UBE2H: variants seen among roughly 807,000 people sequenced by gnomAD.
UBE2H encodes ubiquitin conjugating enzyme E2 H.
Under a neutral mutation model 29.0 loss-of-function variants are expected in UBE2H, and 3 were observed. That is an observed-to-expected ratio of 0.10 (90% CI 0.05 to 0.27). The LOEUF is 0.27. Among genes scored for constraint, UBE2H ranks in the 10% least tolerant of loss-of-function variants. The pLI, the probability that UBE2H is intolerant of heterozygous loss-of-function variation, is 1.00. For synonymous variants in UBE2H, 69 were observed against 82.9 expected, an observed-to-expected ratio of 0.83 and a Z score of 0.91; for missense variants, 68 against 228.2, an observed-to-expected ratio of 0.30 and a Z score of 4.52.
intron 1 of UBE2H, among the ~76,000 whole-genome samples, chr7:129,946,164 T>C (rs1158816934): frequency 6.6e-6 from 1 of 151,890 alleles, no homozygotes; most frequent in Non-Finnish European, 1.5e-5. Flanking sequence ...ACCATTCTCC[T>C]GCCTCAGCCT....
intron 1 of UBE2H, among the ~76,000 whole-genome samples, chr7:129,886,758 G>GATTTTTGGTT (rs1554435088): frequency 2.5e-5 from 1 of 40,302 alleles, no homozygotes; most frequent in African/African-American, 9.6e-5. Context: ...CTGGTTTTTT[G>GATTTTTGGTT]TTTTTTGGTA....
chr7:129,944,410 T>A (rs1807713050), intron 1 of UBE2H, among the ~76,000 whole-genome samples: 1 of 151,992 alleles, frequency 6.6e-6, no homozygotes. Flanking sequence ...TGTCACAATT[T>A]TATTTGGGTG....
chr7:129,845,374 C>A (rs573860557), intron 5 of UBE2H, among the ~76,000 whole-genome samples: 1 of 152,288 alleles, frequency 6.6e-6, no homozygotes, highest in East Asian at 1.9e-4. Flanking sequence ...GCCCATGATC[C>A]CCTATCCCCA....
intron 6 of UBE2H, among the ~76,000 whole-genome samples, chr7:129,836,355 TGA>T (rs978279726): frequency 6.6e-6 from 1 of 152,102 alleles, no homozygotes; most frequent in East Asian, 1.9e-4. Flanking sequence ...ACAAGGCCTT[TGA>T]GAGAGAGAAA....
chr7:129,845,349 A>C (rs1805494571), intron 5 of UBE2H, among the ~76,000 whole-genome samples: 1 of 152,208 alleles, frequency 6.6e-6, no homozygotes, highest in Non-Finnish European at 1.5e-5. Flanking sequence ...CAAAATGCAC[A>C]GGAAATACTA....
intron 1 of UBE2H, among the ~76,000 whole-genome samples, chr7:129,926,359 A>T (rs112358514): frequency 0.012 from 1,866 of 151,952 alleles, 32 homozygotes; most frequent in African/African-American, 0.04. Context: ...AAAATACAAA[A>T]TTAGCCCAGT....
intron 3 of UBE2H, among the ~76,000 whole-genome samples, chr7:129,874,169 CTTAATT>C (rs1806099099): frequency 6.6e-5 from 10 of 151,860 alleles, no homozygotes; most frequent in Admixed American, 6.6e-4. Context: ...AAAATGACAT[CTTAATT>C]TTATCTGGAA....
At chr7:129,840,605 A>AC (rs56046629) in intron 5 of UBE2H, among the ~76,000 whole-genome samples, 9,494 of 151,916 alleles carry the variant, frequency 0.062, 366 homozygotes, top group Non-Finnish European at 0.091. Flanking sequence ...CAACCCACAC[A>AC]CCCCATAGCT....
chr7:129,929,975 A>G (rs574994909), intron 1 of UBE2H, among the ~76,000 whole-genome samples: 2 of 152,124 alleles, frequency 1.3e-5, no homozygotes, highest in Non-Finnish European at 2.9e-5. Flanking sequence ...GCACTGCTGC[A>G]CTCCAGCCTG....
chr7:129,834,790 GATATATA>G lies in UBE2H; in HGVS notation c.*140_*146del, dbSNP rs1463082911. 2 of 904,650 alleles carry G rather than the reference GATATATA, an allele frequency of 2.2e-6. No individual in the cohort carries two copies. The highest frequency in any genetic ancestry group is 3.2e-6 in the Non-Finnish European group (2 of 631,266). The allele number at this position is 904,650 out of a possible 1,614,324, so 56.0% of individuals were successfully genotyped here. ...ACCAAGAAATCAAGATCTAAAGGGT[GATATATA>G]ATATATATATATCAATGCTATTATT... On this transcript the variant is annotated 3_prime_UTR_variant, in exon 7 of 7. Coordinates refer to ENST00000355621, the MANE Select transcript of UBE2H (RefSeq NM_003344.4).
intron 1 of UBE2H, among the ~76,000 whole-genome samples, chr7:129,935,238 A>G (rs1807502633): frequency 6.6e-6 from 1 of 151,664 alleles, no homozygotes; most frequent in Non-Finnish European, 1.5e-5. Context: ...ACATGGTGAA[A>G]CCCTGTATCT....
intron 1 of UBE2H, among the ~76,000 whole-genome samples, chr7:129,930,097 T>C (rs190848464): frequency 1.1e-3 from 163 of 152,316 alleles, no homozygotes; most frequent in African/African-American, 3.5e-3. Context: ...TAATATGACT[T>C]CTCTTCCAAT....
At chr7:129,845,086 T>C (rs1295631318) in intron 5 of UBE2H, among the ~76,000 whole-genome samples, 1 of 152,204 alleles carries the variant, frequency 6.6e-6, no homozygotes, top group Non-Finnish European at 1.5e-5. Flanking sequence ...GCTGAGATTG[T>C]ACCACTGCAC....
At chr7:129,881,495 A>G (rs1347882273) in intron 1 of UBE2H, among the ~76,000 whole-genome samples, 2 of 152,062 alleles carry the variant, frequency 1.3e-5, no homozygotes, top group Non-Finnish European at 2.9e-5. Context: ...AAAAAATACA[A>G]AAATTACCCA....
chr7:129,891,988 T>G (rs1259308083), intron 1 of UBE2H, among the ~76,000 whole-genome samples: 3 of 145,508 alleles, frequency 2.1e-5, no homozygotes, highest in Non-Finnish European at 3.1e-5. Flanking sequence ...AGTCTTGCTT[T>G]GTTGCCCAGA....
intron 1 of UBE2H, among the ~76,000 whole-genome samples, chr7:129,899,791 C>T (rs1381362554): frequency 6.6e-6 from 1 of 152,156 alleles, no homozygotes; most frequent in African/African-American, 2.4e-5. Context: ...TAGTATTTTA[C>T]CTACATCTCA....
intron 5 of UBE2H, chr7:129,857,217 T>C (rs1004622336): frequency 8.7e-6 from 3 of 346,302 alleles, no homozygotes; most frequent in Non-Finnish European, 1.6e-5. Flanking sequence ...TACATACATA[T>C]AAAATGTTTG....
chr7:129,834,058 A>G lies in UBE2H; in HGVS notation c.*879T>C, dbSNP rs1225092404. On this transcript the variant is annotated 3_prime_UTR_variant, in exon 7 of 7. Transcript: ENST00000355621. ...CCCCAGAAACACAACCCTCATATTT[A>G]AAGCTCTTAAGTTCAGGGTAGCGGT... is the stretch of plus-strand genomic sequence containing the variant. 2 of 152,194 alleles carry G rather than the reference A, an allele frequency of 1.3e-5. No homozygotes were observed. The highest frequency in any genetic ancestry group is 2.9e-5 in the Non-Finnish European group (2 of 68,068). The allele number at this position is 152,194 out of a possible 1,614,324, so 9.4% of individuals were successfully genotyped here. A position where few individuals can be genotyped will look rare whatever the true frequency, so the allele number is the denominator to read the frequency against.
At chr7:129,931,510 T>G (rs893704425) in intron 1 of UBE2H, among the ~76,000 whole-genome samples, 1 of 151,844 alleles carries the variant, frequency 6.6e-6, no homozygotes, top group African/African-American at 2.4e-5. Flanking sequence ...ATATAAATCA[T>G]CTTTAAGAAA....
Sources: allele counts gnomAD v4.1 joint callset (sites outside exome capture counted in the v4.1 genomes callset), GRCh38; gene constraint gnomAD v4.1.1; transcripts MANE v1.5; gene names NCBI Gene and HGNC (gene_info 2026-07-23, HGNC 2026-07-21).